The following BANP variants were observed in gnomAD, a reference collection of about 807,000 sequenced individuals.
The protein encoded by BANP is BTG3 associated nuclear protein.
In BANP, 11 loss-of-function variants were observed where a neutral mutation model predicts 68.1. The ratio of observed to expected loss-of-function variants is 0.16; its 90% CI spans 0.10 to 0.27. The LOEUF (loss-of-function observed/expected upper bound fraction) is 0.27, where lower values mean the gene tolerates loss of function less well. Ranked by LOEUF, BANP falls within the 10% of genes least tolerant of loss-of-function variation. BANP has a pLI of 1.00. For missense variants in BANP, 504 were observed against 722.7 expected, an observed-to-expected ratio of 0.70 and a Z score of 3.47; for synonymous variants, 329 against 303.2, an observed-to-expected ratio of 1.09 and a Z score of -0.88.
intron 1 of BANP, among the ~76,000 whole-genome samples, chr16:87,971,231 A>ACAT (rs2061057128): frequency 7.2e-6 from 1 of 138,800 alleles, no homozygotes. Flanking sequence ...TCAAGCAGTT[A>ACAT]CATTGTGTCT....
intron 9 of BANP, among the ~76,000 whole-genome samples, chr16:88,033,670 G>T (rs1249169795): frequency 6.6e-6 from 1 of 152,226 alleles, no homozygotes; most frequent in East Asian, 1.9e-4. Context: ...GCAAAAGCTT[G>T]AGGTCATTGT....
chr16:87,968,137 C>T (rs563991955), intron 1 of BANP, among the ~76,000 whole-genome samples: 3 of 152,032 alleles, frequency 2.0e-5, no homozygotes, highest in Admixed American at 1.3e-4. Flanking sequence ...TTTAAATGCA[C>T]CAATGCCAAG....
chr16:88,028,154 A>G (rs1196226613), intron 8 of BANP, among the ~76,000 whole-genome samples: 1 of 152,160 alleles, frequency 6.6e-6, no homozygotes, highest in Non-Finnish European at 1.5e-5. Flanking sequence ...AGGAATGACA[A>G]TGTGACTTGA....
intron 11 of BANP, among the ~76,000 whole-genome samples, chr16:88,063,116 G>A (rs764887137): frequency 4.6e-5 from 7 of 152,238 alleles, no homozygotes; most frequent in African/African-American, 1.2e-4. Context: ...CTGCAGCAGC[G>A]CAGCCAAGCG....
At chr16:87,999,284 G>T (rs2068379894) in intron 4 of BANP, among the ~76,000 whole-genome samples, 2 of 138,222 alleles carry the variant, frequency 1.4e-5, no homozygotes, top group South Asian at 2.4e-4. Context: ...CTCCATGCAT[G>T]CACTTGCACG....
chr16:88,061,063 G>A (rs1012198711), intron 11 of BANP, among the ~76,000 whole-genome samples: 16 of 152,276 alleles, frequency 1.1e-4, no homozygotes, highest in Non-Finnish European at 2.2e-4. Flanking sequence ...GCAAGCACCC[G>A]CAGGCCTCCA....
At position 88,071,680 on chromosome 16, in the gene BANP, C is replaced by T; in HGVS notation, c.1378-389C>T. On this transcript the variant is annotated intron_variant, in intron 12 of 13. Transcript: ENST00000682872. The surrounding 1 kb of genome is among the most constrained non-coding windows in gnomAD (Gnocchi z 6.5). ...CGGTCCTGGCTTGGATTTTAGGCCTCAGTGGCACTCTGGGAGCGCTTGTGC... is the reference window on the plus strand; with the variant it reads ...CGGTCCTGGCTTGGATTTTAGGCCTTAGTGGCACTCTGGGAGCGCTTGTGC... 2 of 482,702 alleles carry T rather than the reference C, an allele frequency of 4.1e-6. No individual in the cohort carries two copies. Among genetic ancestry groups the T allele is most frequent in the Non-Finnish European group, 8.2e-6 (2 of 244,562 alleles). 29.9% of individuals were successfully genotyped at this position (482,702 alleles called of 1,614,324 possible). A position where few individuals can be genotyped will look rare whatever the true frequency, so the allele number is the denominator to read the frequency against.
intron 2 of BANP, chr16:87,978,818 T>G: frequency 5.8e-6 from 2 of 344,318 alleles, no homozygotes; most frequent in Non-Finnish European, 1.2e-5. Context: ...CAGGCACAGC[T>G]GAGACCAGCT....
chr16:87,950,761 T>A (rs1347387175), upstream of BANP: 1 of 152,234 alleles, frequency 6.6e-6, no homozygotes, highest in African/African-American at 2.4e-5. Context: ...TATTATGTGT[T>A]ACCTATAGGA....
rs2152920220 is a variant in BANP, at chr16:88,071,577, G to A, written c.1378-492G>A. ...GCTGGGTTCTCAGTGCCCACCAGCA[G>A]CTCCTTTGCTCTCCCTGAGCCCTTG... is the stretch of plus-strand genomic sequence containing the variant. On this transcript the variant is annotated intron_variant, in intron 12 of 13. Coordinates refer to ENST00000682872, the MANE Select transcript of BANP (RefSeq NM_001386991.1). This position sits in a 1 kb window ranked among gnomAD's most constrained non-coding sequence, Gnocchi z 6.5. 2.2e-6 allele frequency: 1 copy of A among 457,596 alleles called. No individual in the cohort carries two copies. Among genetic ancestry groups the A allele is most frequent in the African/African-American group, 2.0e-5 (1 of 50,250 alleles). The allele number at this position is 457,596 out of a possible 1,614,324, so 28.3% of individuals were successfully genotyped here.
At chr16:88,011,425 G>T (rs1014192167) in intron 6 of BANP, among the ~76,000 whole-genome samples, 4 of 152,148 alleles carry the variant, frequency 2.6e-5, no homozygotes, top group African/African-American at 9.7e-5. Flanking sequence ...CAGGTTCTCT[G>T]CGTGACCCGG....
At chr16:88,022,321 G>T (rs2076180201) in intron 7 of BANP, among the ~76,000 whole-genome samples, 1 of 152,214 alleles carries the variant, frequency 6.6e-6, no homozygotes, top group Non-Finnish European at 1.5e-5. Flanking sequence ...CTAAGGCCGT[G>T]CCACCCTGAA....
In BANP at chr16:88,052,645, GCCA is replaced by G. The variant is rs1025062328; in HGVS notation, c.1312-12618_1312-12616del. The stretch of plus-strand genomic sequence containing the variant: ...CATCATCCTCACCATTATCATAATT[GCCA>G]CCATCATCACAACCACCCTAACAAC... On this transcript the variant is annotated intron_variant, in intron 11 of 13. Coordinates refer to ENST00000682872, the MANE Select transcript of BANP (RefSeq NM_001386991.1). Among the ~76,000 whole-genome samples, 39 of 150,418 alleles carry G rather than the reference GCCA, an allele frequency of 2.6e-4. 1 individual carries two copies. The South Asian group carries it at 6.6e-3, about 25-fold the overall frequency.
Position 88,037,999 on chromosome 16 carries a change from G to A in BANP, c.1299G>A (p.Gly433=), listed in dbSNP as rs1338605901. The A allele has an allele frequency of 1.2e-6, 2 of 1,613,920 alleles. No individual in the cohort carries two copies. The highest frequency in any genetic ancestry group is 1.7e-5 in the Admixed American group (1 of 60,016). ...SEGNLQIHHV[G]QDGQLLEATR... ...GCAACCTCCAGATCCATCACGTGGG[G>A]CAGGACGGTCAGGTGAGTGTCCCAG... Residue 433 remains glycine (G), a synonymous_variant, in exon 11 of 14, where the codon GGG becomes GGA. Transcript: ENST00000682872.
At chr16:88,063,172 G>T (rs1470914215) in intron 11 of BANP, among the ~76,000 whole-genome samples, 1 of 152,256 alleles carries the variant, frequency 6.6e-6, no homozygotes, top group African/African-American at 2.4e-5. Flanking sequence ...AGAGCACGCT[G>T]TGCCTTCATT....
At chr16:87,995,217 G>A (rs949244805) in intron 4 of BANP, among the ~76,000 whole-genome samples, 1 of 152,262 alleles carries the variant, frequency 6.6e-6, no homozygotes, top group Non-Finnish European at 1.5e-5. Context: ...GGGCTCCCGG[G>A]ACAGCCCCTG....
Position 87,957,341 on chromosome 16 carries a change from A to G in BANP, c.-69+5826A>G, listed in dbSNP as rs1221153337. 6.6e-6 allele frequency among the ~76,000 whole-genome samples: 1 copy of G among 152,192 alleles called. No individual in the cohort carries two copies. The highest frequency in any genetic ancestry group is 2.4e-5 in the African/African-American group (1 of 41,446). ...GAAAGGCTGAGAGGAGGCTGCAGTG[A>G]AACACCTGAGGAAGGCTGGGCAGAA... On this transcript the variant is annotated intron_variant, in intron 1 of 13. Transcript: ENST00000682872. The surrounding 1 kb of genome is among the most constrained non-coding windows in gnomAD (Gnocchi z 4.3).
At chr16:87,982,734 T>C (rs1216896561) in intron 3 of BANP, 2 of 152,256 alleles carry the variant, frequency 1.3e-5, no homozygotes, top group Admixed American at 1.3e-4. Context: ...GGAGAGGTGG[T>C]GACCTGAGAA....
chr16:87,975,272 A>G lies in BANP; in HGVS notation c.70+87A>G. On this transcript the variant is annotated intron_variant, in intron 2 of 13. Coordinates refer to ENST00000682872, the MANE Select transcript of BANP (RefSeq NM_001386991.1). ...TGCTCCAGTTATTTTCTTTCCTTTA[A>G]GCAGAAGAAAAAGTAATGCATGCTG... The G allele has an allele frequency of 2.9e-6, 4 of 1,388,366 alleles. No individual in the cohort carries two copies. In the South Asian group the frequency reaches 4.8e-5, roughly 17 times the overall value. 86.0% of individuals were successfully genotyped at this position (1,388,366 alleles called of 1,614,324 possible).
Sources: gnomAD v4.1 joint callset for allele counts (sites outside exome capture counted in the v4.1 genomes callset) on GRCh38, gnomAD v4.1.1 for gene constraint, Gnocchi (gnomAD v3.1) non-coding constraint, MANE v1.5 for transcripts, NCBI Gene and HGNC (gene_info 2026-07-23, HGNC 2026-07-21) for gene names.